PTPN2: variants seen among roughly 807,000 people sequenced by gnomAD.
PTPN2 encodes tyrosine-protein phosphatase non-receptor type 2.
PTPN2 carries 19 observed loss-of-function variants against 57.3 expected under a neutral mutation model. The ratio of observed to expected loss-of-function variants is 0.33; its 90% confidence interval spans 0.23 to 0.49. The LOEUF (loss-of-function observed/expected upper bound fraction) is 0.49, where lower values mean the gene tolerates loss of function less well. Ranked by LOEUF, PTPN2 falls within the 20% of genes least tolerant of loss-of-function variation. The pLI is 0.99. For synonymous variants in PTPN2, 153 were observed against 164.9 expected, an observed-to-expected ratio of 0.93 and a Z score of 0.55; for missense variants, 358 against 501.1, an observed-to-expected ratio of 0.71 and a Z score of 2.73.
intron 1 of PTPN2, among the ~76,000 whole-genome samples, chr18:12,879,851 C>G (rs1243256376): frequency 1.3e-5 from 2 of 152,186 alleles, no homozygotes; most frequent in Non-Finnish European, 2.9e-5. Context: ...ATGAGCATTA[C>G]CAAAAAAAGC....
chr18:12,798,590 A>C (rs2041281470), intron 8 of PTPN2, among the ~76,000 whole-genome samples: 1 of 152,154 alleles, frequency 6.6e-6, no homozygotes, highest in Admixed American at 6.5e-5. Context: ...ACATGATCTC[A>C]TTCTTTATTA....
chr18:12,836,283 G>C (rs1598818969), intron 3 of PTPN2, among the ~76,000 whole-genome samples: 1 of 152,224 alleles, frequency 6.6e-6, no homozygotes, highest in Admixed American at 6.5e-5. Flanking sequence ...TGGGCAGAAG[G>C]CCACAGGGAG....
chr18:12,844,653 A>G (rs2043155969), intron 2 of PTPN2, among the ~76,000 whole-genome samples: 1 of 152,102 alleles, frequency 6.6e-6, no homozygotes, highest in Admixed American at 6.5e-5. Context: ...GTCCAGATCT[A>G]AGTTCTTTGT....
intron 1 of PTPN2, among the ~76,000 whole-genome samples, chr18:12,882,568 G>A (rs182378194): frequency 2.6e-4 from 40 of 152,292 alleles, no homozygotes; most frequent in African/African-American, 8.2e-4. Context: ...AGCAGCCTCT[G>A]CTAAAACAAA....
At chr18:12,867,318 CAATA>C (rs144118910) in intron 1 of PTPN2, among the ~76,000 whole-genome samples, 23 of 150,990 alleles carry the variant, frequency 1.5e-4, no homozygotes, top group African/African-American at 5.4e-4. Flanking sequence ...GAACCTGTCT[CAATA>C]AATAAATAAA....
intron 2 of PTPN2, chr18:12,840,639 G>T: frequency 1.3e-6 from 2 of 1,514,450 alleles, no homozygotes; most frequent in Non-Finnish European, 9.0e-7. Context: ...GTCACTCAGG[G>T]AAGTCAAGTC....
At chr18:12,811,540 A>T (rs1214642230) in intron 7 of PTPN2, among the ~76,000 whole-genome samples, 1 of 152,128 alleles carries the variant, frequency 6.6e-6, no homozygotes, top group Admixed American at 6.6e-5. Flanking sequence ...CAAACCCAAC[A>T]ATGTCATTTT....
At chr18:12,813,415 T>A (rs1420152813) in intron 7 of PTPN2, among the ~76,000 whole-genome samples, 1 of 152,244 alleles carries the variant, frequency 6.6e-6, no homozygotes, top group African/African-American at 2.4e-5. Context: ...GCATTAAGAA[T>A]ATTTTAATGC....
chr18:12,883,942 C>A (rs1353176695), intron 1 of PTPN2, 131 bp downstream of exon 1: 1 of 711,772 alleles, frequency 1.4e-6, no homozygotes, highest in Non-Finnish European at 2.2e-6. Flanking sequence ...TGACGCGGAC[C>A]GCGCCGCCAC....
At chr18:12,789,860 A>G (rs12958381), downstream of PTPN2, among the ~76,000 whole-genome samples, 649 of 105,596 alleles carry the variant, frequency 6.1e-3, 7 homozygotes, top group East Asian at 0.042. Context: ...ATCTCTCTGT[A>G]TGTGTGTGTG....
At chr18:12,847,303 T>C (rs1334528023) in intron 2 of PTPN2, among the ~76,000 whole-genome samples, 2 of 152,196 alleles carry the variant, frequency 1.3e-5, no homozygotes, top group Non-Finnish European at 2.9e-5. Context: ...CGTTTGTAGG[T>C]TTAAAACAGC....
Position 12,870,342 on chromosome 18 carries a change from CAT to C in PTPN2, c.70-11090_70-11089del, listed in dbSNP as rs1358807652. 4.3e-4 allele frequency among the ~76,000 whole-genome samples: 14 copies of C among 32,696 alleles called. 1 individual carries two copies. Among genetic ancestry groups the C allele is most frequent in the African/African-American group, 1.2e-3 (6 of 4,960 alleles). The allele number at this position is 32,696 out of a possible 152,430, so 21.4% of individuals were successfully genotyped here. A position where few individuals can be genotyped will look rare whatever the true frequency, so the allele number is the denominator to read the frequency against. Reference sequence around the variant, plus strand: ...ATGTGTATATATATGTATATATATACATATATATGTGTATATATATGTGTATA... The same window carrying C: ...ATGTGTATATATATGTATATATATACATATATGTGTATATATATGTGTATA... On this transcript the variant is annotated intron_variant, in intron 1 of 8. Coordinates refer to ENST00000309660, the MANE Select transcript of PTPN2 (RefSeq NM_002828.4).
chr18:12,812,479 A>G (rs1037057913), intron 7 of PTPN2, among the ~76,000 whole-genome samples: 3 of 152,120 alleles, frequency 2.0e-5, no homozygotes, highest in African/African-American at 7.2e-5. Context: ...GGCACCTGTA[A>G]TCCCAACTAC....
chr18:12,874,371 C>T (rs2044396891), intron 1 of PTPN2, among the ~76,000 whole-genome samples: 1 of 144,928 alleles, frequency 6.9e-6, no homozygotes, highest in South Asian at 2.2e-4. Context: ...CCGGCCGCCC[C>T]TACTGGGAAG....
At chr18:12,792,022 C>T, downstream of PTPN2, 1 of 168,964 alleles carries the variant, frequency 5.9e-6, no homozygotes, top group Non-Finnish European at 1.2e-5. Flanking sequence ...CCAATAACAA[C>T]CTGAAATGTA....
In PTPN2 at chr18:12,874,700, G is replaced by A. The variant is rs576130928; in HGVS notation, c.69+9373C>T. On this transcript the variant is annotated intron_variant, in intron 1 of 8. Coordinates refer to ENST00000309660, the MANE Select transcript of PTPN2 (RefSeq NM_002828.4). ...AGGGAGGTGGGGGGGTCAACCCCTC[G>A]CCCGGCCAGCCGCCCCACCCGGGAG... 7.3e-5 allele frequency among the ~76,000 whole-genome samples: 11 copies of A among 149,728 alleles called. No homozygotes were observed. The East Asian group carries it at 1.6e-3, about 22-fold the overall frequency.
At chr18:12,814,141 A>C in intron 7 of PTPN2, 62 bp downstream of exon 7, 4 of 1,215,144 alleles carry the variant, frequency 3.3e-6, no homozygotes, top group Non-Finnish European at 4.7e-6. Context: ...AGTGGAGTGC[A>C]GTTATTTGAT....
At chr18:12,813,059 A>G (rs1280405659) in intron 7 of PTPN2, among the ~76,000 whole-genome samples, 1 of 152,084 alleles carries the variant, frequency 6.6e-6, no homozygotes, top group Non-Finnish European at 1.5e-5. Flanking sequence ...GACACAATCC[A>G]AAGGACAATA....
intron 2 of PTPN2, among the ~76,000 whole-genome samples, chr18:12,858,069 C>T (rs1280467076): frequency 1.3e-5 from 2 of 152,096 alleles, no homozygotes. Context: ...CATCCAGACC[C>T]TAAATATCTT....
Sources: allele counts gnomAD v4.1 joint callset (sites outside exome capture counted in the v4.1 genomes callset), GRCh38; gene constraint gnomAD v4.1.1; transcripts MANE v1.5; gene names NCBI Gene and HGNC (gene_info 2026-07-23, HGNC 2026-07-21).